The following ABCB1 variants were observed in gnomAD, a reference collection of about 807,000 sequenced individuals.
ABCB1 encodes ATP binding cassette subfamily B member 1, also known as ATP-dependent translocase ABCB1.
Under a neutral mutation model 142.0 loss-of-function variants are expected in ABCB1, and 69 were observed. The observed-to-expected ratio is 0.49, with a 90% CI of 0.40 to 0.59. The LOEUF (loss-of-function observed/expected upper bound fraction) is 0.59, where lower values mean the gene tolerates loss of function less well. Ranked by LOEUF, ABCB1 falls within the 20% of genes least tolerant of loss-of-function variation. The probability of loss-of-function intolerance (pLI) is 0.00; values close to 1 mark genes in which losing one functional copy is unlikely to be tolerated. For missense variants in ABCB1, 1,326 were observed against 1,554.7 expected, an observed-to-expected ratio of 0.85 and a Z score of 2.47; for synonymous variants, 532 against 539.2, an observed-to-expected ratio of 0.99 and a Z score of 0.18.
rs745902169 is a variant in ABCB1, at chr7:87,504,423, G to C, written c.3663C>G (p.Ala1221=). The part of the protein sequence containing the change: ...EKVVQEALDK[A]REGRTCIVIA... ...TCACAATGCAGGTGCGGCCTTCTCT[G>C]GCTTTGTCCAGGGCTTCTTGGACAA... Residue 1221 remains alanine, a synonymous_variant, in exon 28 of 28, where the codon GCC becomes GCG. Transcript: ENST00000622132. The C allele has an allele frequency of 6.2e-7, 1 of 1,614,058 alleles. No homozygotes were observed. Among genetic ancestry groups the C allele is most frequent in the Admixed American group, 1.7e-5 (1 of 60,028 alleles).
intron 21 of ABCB1, 45 bp from the exon 22 acceptor site, chr7:87,520,921 G>A: frequency 7.1e-7 from 1 of 1,401,596 alleles, no homozygotes; most frequent in South Asian, 1.2e-5. Flanking sequence ...AGAGTAAATA[G>A]TGGTGATTAA....
At chr7:87,668,131 T>C (rs1178619456) in intron 1 of ABCB1, among the ~76,000 whole-genome samples, 3 of 151,834 alleles carry the variant, frequency 2.0e-5, no homozygotes, top group Non-Finnish European at 2.9e-5. Context: ...TTTTTTTTTT[T>C]GGTAGGCTAT....
chr7:87,594,959 G>C (rs1819137823), intron 3 of ABCB1, among the ~76,000 whole-genome samples: 1 of 152,088 alleles, frequency 6.6e-6, no homozygotes, highest in South Asian at 2.1e-4. Flanking sequence ...TAGTCTTCCA[G>C]GTTCTAATCT....
intron 1 of ABCB1, chr7:87,628,916 G>T (rs746857639): frequency 7.6e-7 from 1 of 1,309,682 alleles, no homozygotes; most frequent in Non-Finnish European, 9.8e-7. Context: ...ATGCTGCGGT[G>T]GAGAGGAGGA....
At chr7:87,535,546 C>A (rs956778300) in intron 20 of ABCB1, among the ~76,000 whole-genome samples, 5 of 151,932 alleles carry the variant, frequency 3.3e-5, no homozygotes, top group Non-Finnish European at 7.4e-5. Context: ...TTGCTTTAGG[C>A]AAAGAAGTTT....
At chr7:87,633,821 A>G (rs1245115983) in intron 1 of ABCB1, among the ~76,000 whole-genome samples, 1 of 152,180 alleles carries the variant, frequency 6.6e-6, no homozygotes, top group Admixed American at 6.5e-5. Context: ...GTGAAATGTT[A>G]TTGAATATTA....
chr7:87,690,247 A>C (rs1827885576), intron 1 of ABCB1, among the ~76,000 whole-genome samples: 2 of 152,130 alleles, frequency 1.3e-5, no homozygotes, highest in South Asian at 4.1e-4. Flanking sequence ...AATTTGATGA[A>C]GAGTATTTTC....
At chr7:87,576,967 C>G (rs1013271069) in intron 4 of ABCB1, among the ~76,000 whole-genome samples, 1 of 152,064 alleles carries the variant, frequency 6.6e-6, no homozygotes, top group Non-Finnish European at 1.5e-5. Flanking sequence ...TTGTTGTTGA[C>G]TGTAGTCACC....
intron 2 of ABCB1, among the ~76,000 whole-genome samples, chr7:87,597,614 A>T (rs1819257667): frequency 6.6e-6 from 1 of 152,116 alleles, no homozygotes; most frequent in Admixed American, 6.5e-5. Flanking sequence ...TTGTATCATA[A>T]GTACATAATT....
At chr7:87,663,916 A>T (rs1824963642) in intron 1 of ABCB1, among the ~76,000 whole-genome samples, 1 of 152,130 alleles carries the variant, frequency 6.6e-6, no homozygotes, top group African/African-American at 2.4e-5. Context: ...GACTCTTTGT[A>T]TGATCCTACT....
At chr7:87,706,093 A>G (rs990274138) in intron 1 of ABCB1, among the ~76,000 whole-genome samples, 1 of 152,150 alleles carries the variant, frequency 6.6e-6, no homozygotes, top group Non-Finnish European at 1.5e-5. Context: ...TATCCTGTAC[A>G]TTCCTTCATT....
chr7:87,526,969 A>C (rs946485909), intron 21 of ABCB1, among the ~76,000 whole-genome samples: 2 of 152,092 alleles, frequency 1.3e-5, no homozygotes, highest in Admixed American at 1.3e-4. Flanking sequence ...CTTCCTTATT[A>C]ATAAAAGTCC....
At chr7:87,521,101 T>C in intron 21 of ABCB1, 1 of 527,736 alleles carries the variant, frequency 1.9e-6, no homozygotes, top group Non-Finnish European at 3.4e-6. Flanking sequence ...AAATAGAAGC[T>C]AAGACTTAAA....
At chr7:87,628,847 C>T in intron 1 of ABCB1, 1 of 1,268,016 alleles carries the variant, frequency 7.9e-7, no homozygotes, top group South Asian at 3.9e-5. Context: ...GCCTGGGGGG[C>T]CTGAGCGGGA....
chr7:87,640,948 C>G (rs1238444220), intron 1 of ABCB1, among the ~76,000 whole-genome samples: 1 of 152,092 alleles, frequency 6.6e-6, no homozygotes, highest in East Asian at 1.9e-4. Flanking sequence ...CTTCTCATCT[C>G]TTGAATGTAT....
chr7:87,588,103 T>G (rs1419902161), intron 3 of ABCB1, among the ~76,000 whole-genome samples: 1 of 151,748 alleles, frequency 6.6e-6, no homozygotes, highest in Non-Finnish European at 1.5e-5. Context: ...GTACTAATTT[T>G]CCAGGAATAA....
chr7:87,566,974 T>A lies in ABCB1; in HGVS notation c.341A>T (p.Tyr114Phe), dbSNP rs374713722. The A allele has an allele frequency of 8.1e-6, 13 of 1,613,896 alleles. No individual in the cohort carries two copies. Among genetic ancestry groups the A allele is most frequent in the Non-Finnish European group, 1.1e-5 (13 of 1,179,898 alleles). Residue 114 changes from tyrosine to phenylalanine, a missense_variant and splice_region_variant, in exon 6 of 28, where the codon TAT (tyrosine) becomes TTT (phenylalanine). Physicochemically the swap from Tyr to Phe is conservative, Grantham distance 22. Coordinates refer to ENST00000622132, the MANE Select transcript of ABCB1 (RefSeq NM_001348946.2). ...FMNLEEDMTR[Y>F]AYYYSGIGAG... The stretch of plus-strand genomic sequence containing the variant: ...ACCAATTCCACTGTAATAATAGGCA[T>A]ACCTGAAAAACAACAAGAACACTGC...
At chr7:87,544,750 T>A (rs2235046) in intron 16 of ABCB1, 73 bp downstream of exon 16, 2 of 1,492,442 alleles carry the variant, frequency 1.3e-6, no homozygotes, top group African/African-American at 2.8e-5. Context: ...CCACTCCTAC[T>A]GTAGCCCTAG....
chr7:87,628,622 TGTGG>T (rs1434346728), intron 1 of ABCB1: 29 of 316,734 alleles, frequency 9.2e-5, no homozygotes, highest in East Asian at 3.3e-4. Flanking sequence ...TGTGTGTGTG[TGTGG>T]AGCTCGGGTG....
Sources: allele counts gnomAD v4.1 joint callset (sites outside exome capture counted in the v4.1 genomes callset), GRCh38; gene constraint gnomAD v4.1.1; transcripts MANE v1.5; gene names NCBI Gene and HGNC (gene_info 2026-07-23, HGNC 2026-07-21).